Variants in SLC2A7 observed in about 807,000 individuals in gnomAD.
The protein encoded by SLC2A7 is solute carrier family 2, facilitated glucose transporter member 7.
SLC2A7 carries 50 observed loss-of-function variants against 50.5 expected under a neutral mutation model. The ratio of observed to expected loss-of-function variants is 0.99; its 90% CI spans 0.79 to 1.25. The LOEUF (loss-of-function observed/expected upper bound fraction) is 1.25, where lower values mean the gene tolerates loss of function less well. Among genes scored for constraint, SLC2A7 ranks in the 50% most tolerant of loss-of-function variants. SLC2A7 has a pLI of 0.00. For missense variants in SLC2A7, 683 were observed against 679.1 expected, an observed-to-expected ratio of 1.01 and a Z score of -0.06; for synonymous variants, 308 against 300.4, an observed-to-expected ratio of 1.03 and a Z score of -0.26.
chr1:9,003,080 G>T lies in SLC2A7; in HGVS notation c.*220C>A, dbSNP rs571092999. Among the ~76,000 whole-genome samples the T allele has an allele frequency of 2.0e-5, 3 of 152,288 alleles. No individual in the cohort carries two copies. In the East Asian group the frequency reaches 5.8e-4, roughly 29 times the overall value. On this transcript the variant is annotated 3_prime_UTR_variant, in exon 12 of 12. Transcript: ENST00000400906. ...CGAGTCTTAACCAATCAAAATTCAC[G>T]TGCCGGCCCCTTCCTCCAGGTCATT...
At chr1:9,013,009 G>T (rs757614569) in intron 8 of SLC2A7, among the ~76,000 whole-genome samples, 4 of 152,080 alleles carry the variant, frequency 2.6e-5, no homozygotes, top group Non-Finnish European at 5.9e-5. Flanking sequence ...TCCTGACTCG[G>T]CCTCCCAAGT....
At chr1:9,019,636 C>T (rs890627430) in intron 3 of SLC2A7, among the ~76,000 whole-genome samples, 1 of 152,090 alleles carries the variant, frequency 6.6e-6, no homozygotes, top group African/African-American at 2.4e-5. Context: ...CGTGAAGACA[C>T]AGCCAGGCTG....
chr1:9,024,751 A>G (rs1205117330), intron 2 of SLC2A7, among the ~76,000 whole-genome samples: 1 of 152,054 alleles, frequency 6.6e-6, no homozygotes, highest in Admixed American at 6.6e-5. Context: ...CAGCATCCCA[A>G]TGTGCCCGGA....
At chr1:9,007,532 A>C in intron 9 of SLC2A7, 147 bp from the exon 10 acceptor site, 1 of 702,682 alleles carries the variant, frequency 1.4e-6, no homozygotes, top group Admixed American at 2.6e-5. Flanking sequence ...TCTGTGGGCA[A>C]GAGAGGAAGG....
rs369638263 is a variant in SLC2A7 at position 9,021,105 on chromosome 1, G to C, written c.312-1772C>G. Among the ~76,000 whole-genome samples the C allele has an allele frequency of 8.1e-4, 123 of 152,280 alleles. 1 individual carries two copies. The highest frequency in any genetic ancestry group is 2.9e-3 in the African/African-American group (121 of 41,550). On this transcript the variant is annotated intron_variant, in intron 3 of 11. Coordinates refer to ENST00000400906, the MANE Select transcript of SLC2A7 (RefSeq NM_207420.3). ...TGGACTAATACACTCCGCCTCCCGG[G>C]TTCAAGCAATTCTCTTGCCTCAGCT...
rs140143662 is a variant in SLC2A7 at position 9,008,410 on chromosome 1, G to C, written c.1117-1025C>G. ...GGGTTGGTGGGGCCGCCCTGGACCC[G>C]GTGTGAAGCGAGCAGCTGCTGCTGC... On this transcript the variant is annotated intron_variant, in intron 9 of 11. Coordinates refer to ENST00000400906, the MANE Select transcript of SLC2A7 (RefSeq NM_207420.3). This position sits in a 1 kb window ranked among gnomAD's most constrained non-coding sequence, Gnocchi z 5.9. 1.7e-4 allele frequency among the ~76,000 whole-genome samples: 26 copies of C among 152,158 alleles called. No homozygotes were observed. The highest frequency in any genetic ancestry group is 5.8e-4 in the African/African-American group (24 of 41,438).
chr1:9,005,685 A>T (rs1282759613), intron 10 of SLC2A7, among the ~76,000 whole-genome samples: 1 of 150,134 alleles, frequency 6.7e-6, no homozygotes, highest in Non-Finnish European at 1.5e-5. Flanking sequence ...GTGTGCCTGT[A>T]GTCCCAGCTA....
Position 9,013,576 on chromosome 1 carries a change from T to C in SLC2A7, c.963A>G (p.Gln321=), listed in dbSNP as rs755918935. ...TSAGVEAAHS[Q]YVTVGSGVVN... ...CGACGCCAGAGCCCACCGTTACATA[T>C]TGGGAGTGAGCGGCCTCCACGCCCG... The change falls in exon 8 of 12, where the codon CAA becomes CAG. Residue 321 remains glutamine, a synonymous_variant. Coordinates refer to ENST00000400906, the MANE Select transcript of SLC2A7 (RefSeq NM_207420.3). 2 of 1,614,050 alleles carry C rather than the reference T, an allele frequency of 1.2e-6. No individual in the cohort carries two copies. The highest frequency in any genetic ancestry group is 2.2e-5 in the East Asian group (1 of 44,862).
At chr1:9,021,321 T>A (rs1640910166) in intron 3 of SLC2A7, among the ~76,000 whole-genome samples, 2 of 152,184 alleles carry the variant, frequency 1.3e-5, no homozygotes, top group Non-Finnish European at 2.9e-5. Context: ...GGTATTCATT[T>A]TTTATTTCTT....
At chr1:8,993,769 A>G in the SLC2A7 span, among the ~76,000 whole-genome samples, 10 of 152,236 alleles carry the variant, frequency 6.6e-5, no homozygotes, top group African/African-American at 2.4e-4. Context: ...CTGGGACTAC[A>G]GGTGTGCGTC....
At chr1:9,004,692 G>A in intron 11 of SLC2A7, 60 bp downstream of exon 11, 1 of 1,595,108 alleles carries the variant, frequency 6.3e-7, no homozygotes, top group East Asian at 2.2e-5. Flanking sequence ...AGCGGAAGGG[G>A]AATACATCTT....
At chr1:9,006,875 A>G (rs954460495) in intron 10 of SLC2A7, among the ~76,000 whole-genome samples, 1 of 152,138 alleles carries the variant, frequency 6.6e-6, no homozygotes, top group Non-Finnish European at 1.5e-5. Flanking sequence ...GACATTGGGG[A>G]CAGTGTAATA....
rs954466074 is a variant in SLC2A7 at position 9,017,167 on chromosome 1, A to G, written c.589+1056T>C. 5.9e-5 allele frequency among the ~76,000 whole-genome samples: 9 copies of G among 152,176 alleles called. 1 individual carries two copies. The highest frequency in any genetic ancestry group is 1.7e-4 in the African/African-American group (7 of 41,440). On this transcript the variant is annotated intron_variant, in intron 5 of 11. Transcript: ENST00000400906. ...GAAATCCTATCTTTACTAAAAATAC[A>G]AAATTAGCTGGGCGTGGTGGCGCTC...
chr1:9,009,692 A>G (rs567400780), intron 9 of SLC2A7, among the ~76,000 whole-genome samples: 21 of 152,298 alleles, frequency 1.4e-4, no homozygotes, highest in African/African-American at 4.8e-4. Flanking sequence ...TCCTGGGCTC[A>G]ATGGGTCCTC....
intron 8 of SLC2A7, among the ~76,000 whole-genome samples, chr1:9,012,668 A>T (rs1640764463): frequency 6.6e-6 from 1 of 152,226 alleles, no homozygotes; most frequent in Non-Finnish European, 1.5e-5. Context: ...TAATCAGGAG[A>T]TAACTTGAAA....
At chr1:9,024,842 G>A in intron 2 of SLC2A7, 134 bp downstream of exon 2, 2 of 934,928 alleles carry the variant, frequency 2.1e-6, no homozygotes, top group Admixed American at 2.3e-5. Flanking sequence ...AGGGCAAGCT[G>A]GCTGCTCCCA....
intron 3 of SLC2A7, among the ~76,000 whole-genome samples, chr1:9,021,459 G>A (rs939690473): frequency 3.3e-5 from 5 of 152,116 alleles, no homozygotes; most frequent in African/African-American, 1.2e-4. Context: ...TTTGAGGACC[G>A]CTGGGACCCT....
intron 11 of SLC2A7, among the ~76,000 whole-genome samples, chr1:9,004,220 C>A (rs1388712497): frequency 1.3e-5 from 2 of 150,842 alleles, no homozygotes; most frequent in African/African-American, 4.9e-5. Flanking sequence ...GTGGTCCCAG[C>A]GACTTGGGAG....
At chr1:9,007,527 G>A (rs2124239401) in intron 9 of SLC2A7, 142 bp from the exon 10 acceptor site, 5 of 715,610 alleles carry the variant, frequency 7.0e-6, no homozygotes, top group South Asian at 3.6e-5. Context: ...AGGGCTCTGT[G>A]GGCAAGAGAG....
Sources: gnomAD v4.1 joint callset for allele counts (sites outside exome capture counted in the v4.1 genomes callset) on GRCh38, gnomAD v4.1.1 for gene constraint, Gnocchi (gnomAD v3.1) non-coding constraint, MANE v1.5 for transcripts, NCBI Gene and HGNC (gene_info 2026-07-23, HGNC 2026-07-21) for gene names.